The following PHLDB2 variants were observed in gnomAD, a reference collection of about 807,000 sequenced individuals.
The protein encoded by PHLDB2 is pleckstrin homology-like domain family B member 2.
In PHLDB2, 71 loss-of-function variants were observed where a neutral mutation model predicts 123.6. That is an observed-to-expected ratio of 0.57 (90% CI 0.47 to 0.70). The LOEUF (loss-of-function observed/expected upper bound fraction) is 0.70. Among genes scored for constraint, PHLDB2 ranks in the 30% least tolerant of loss-of-function variants. The pLI is 0.00. For missense variants in PHLDB2, 1,446 were observed against 1,519.5 expected, an observed-to-expected ratio of 0.95 and a Z score of 0.80; for synonymous variants, 547 against 541.6, an observed-to-expected ratio of 1.01 and a Z score of -0.14.
At chr3:111,823,765 C>T (rs930172628) in intron 1 of PHLDB2, among the ~76,000 whole-genome samples, 1 of 152,116 alleles carries the variant, frequency 6.6e-6, no homozygotes, top group African/African-American at 2.4e-5. Flanking sequence ...ATGCTGGGTT[C>T]ACATACCACT....
At chr3:111,738,461 A>C (rs1425500199) in intron 1 of PHLDB2, among the ~76,000 whole-genome samples, 1 of 152,130 alleles carries the variant, frequency 6.6e-6, no homozygotes, top group Non-Finnish European at 1.5e-5. Context: ...TGGGTTATCC[A>C]CTCAGTTCAG....
At chr3:111,911,764 C>G (rs2067898762) in intron 2 of PHLDB2, 2 of 1,490,770 alleles carry the variant, frequency 1.3e-6, no homozygotes, top group East Asian at 2.5e-5. Context: ...TCCTTTTGAT[C>G]AAGCTATTGC....
intron 1 of PHLDB2, among the ~76,000 whole-genome samples, chr3:111,756,600 C>A (rs1348426543): frequency 6.6e-6 from 1 of 152,128 alleles, no homozygotes; most frequent in Non-Finnish European, 1.5e-5. Flanking sequence ...GACTCTTTAT[C>A]CAATTTGCCA....
chr3:111,962,420 A>T, intron 13 of PHLDB2, 108 bp downstream of exon 13: 1 of 934,842 alleles, frequency 1.1e-6, no homozygotes, highest in Non-Finnish European at 1.6e-6. Flanking sequence ...CAAATTTTTG[A>T]GACATAAAGG....
chr3:111,952,678 G>A lies in PHLDB2; in HGVS notation c.2738G>A (p.Ser913Asn), dbSNP rs1210439820. 5 of 1,613,782 alleles carry A rather than the reference G, an allele frequency of 3.1e-6. No homozygotes were observed. In the Admixed American group the frequency reaches 6.7e-5, roughly 22 times the overall value. The stretch of plus-strand genomic sequence containing the variant: ...ACATCTTCCATCTCCCCACATTTCA[G>A]CAGTGCTACTATGGGGAGAAGCATC... Reference protein sequence around the residue: ...KTTSSISPHFSSATMGRSITP... With the variant: ...KTTSSISPHFNSATMGRSITP... Residue 913 changes from serine (S) to asparagine (N), a missense_variant, in exon 11 of 18, where the codon AGC becomes AAC. By Grantham distance (46) the Ser-to-Asn change is conservative. Transcript: ENST00000431670.
At chr3:111,869,863 G>A (rs1374409565) in intron 1 of PHLDB2, among the ~76,000 whole-genome samples, 2 of 152,184 alleles carry the variant, frequency 1.3e-5, no homozygotes, top group African/African-American at 4.8e-5. Context: ...TTTGATAATT[G>A]TAAACATCCT....
intron 2 of PHLDB2, among the ~76,000 whole-genome samples, chr3:111,893,956 T>A (rs1202276497): frequency 5.4e-5 from 8 of 149,020 alleles, no homozygotes; most frequent in Admixed American, 2.0e-4. Context: ...CATGTGCACA[T>A]TGTGCAGGTT....
intron 2 of PHLDB2, among the ~76,000 whole-genome samples, chr3:111,909,265 C>T (rs1414870644): frequency 6.6e-6 from 1 of 152,114 alleles, no homozygotes; most frequent in South Asian, 2.1e-4. Flanking sequence ...GTTATCACTG[C>T]TTTTATAAGT....
intron 1 of PHLDB2, among the ~76,000 whole-genome samples, chr3:111,873,133 G>A (rs542206116): frequency 6.6e-6 from 1 of 152,174 alleles, no homozygotes; most frequent in Non-Finnish European, 1.5e-5. Flanking sequence ...TCTAAGATGT[G>A]GTTTATTATT....
intron 1 of PHLDB2, among the ~76,000 whole-genome samples, chr3:111,765,269 GA>G (rs1190761869): frequency 2.6e-5 from 4 of 152,184 alleles, no homozygotes; most frequent in African/African-American, 7.2e-5. Context: ...AGGGTGGTGA[GA>G]AAAAAATGGA....
intron 1 of PHLDB2, among the ~76,000 whole-genome samples, chr3:111,783,255 G>A (rs1397422316): frequency 6.6e-6 from 1 of 152,102 alleles, no homozygotes; most frequent in Admixed American, 6.6e-5. Context: ...CGGGGCAATA[G>A]CAGAAGAGCC....
intron 1 of PHLDB2, among the ~76,000 whole-genome samples, chr3:111,757,072 G>T (rs2059904220): frequency 6.6e-6 from 1 of 152,110 alleles, no homozygotes; most frequent in Non-Finnish European, 1.5e-5. Flanking sequence ...CTCTCTGGCT[G>T]CCCTTAACAT....
intron 1 of PHLDB2, among the ~76,000 whole-genome samples, chr3:111,837,086 C>T (rs2063444498): frequency 6.6e-6 from 1 of 152,064 alleles, no homozygotes; most frequent in Non-Finnish European, 1.5e-5. Flanking sequence ...CCTCAGTATC[C>T]TGTTATAACA....
intron 1 of PHLDB2, among the ~76,000 whole-genome samples, chr3:111,767,974 A>T (rs530076933): frequency 6.6e-6 from 1 of 152,118 alleles, no homozygotes; most frequent in East Asian, 1.9e-4. Context: ...AGCTGGTAGG[A>T]TGTGATAAAG....
chr3:111,964,131 A>G (rs1204591718), intron 13 of PHLDB2, among the ~76,000 whole-genome samples: 2 of 152,154 alleles, frequency 1.3e-5, no homozygotes, highest in Non-Finnish European at 2.9e-5. Context: ...GTAGTTTCTG[A>G]CCATGGGGAT....
intron 2 of PHLDB2, among the ~76,000 whole-genome samples, chr3:111,896,234 T>C (rs1348854074): frequency 6.6e-6 from 1 of 152,202 alleles, no homozygotes; most frequent in East Asian, 1.9e-4. Context: ...ATTACAGGCG[T>C]GAGCCACCAT....
rs2107529310 is a variant in PHLDB2, at chr3:111,920,345, G to C, written c.1927G>C (p.Glu643Gln). The C allele has an allele frequency of 6.2e-7, 1 of 1,614,028 alleles. No individual in the cohort carries two copies. The highest frequency in any genetic ancestry group is 1.1e-5 in the South Asian group (1 of 91,058). Reference protein sequence around the residue: ...QKSETTELMKEKEILDHLNRK... With the variant: ...QKSETTELMKQKEILDHLNRK... The stretch of plus-strand genomic sequence containing the variant: ...ATCTGAAACAACTGAACTTATGAAG[G>C]AGAAGGAGATTTTGGATCATCTAAA... The change falls in exon 5 of 18, where the codon GAG (glutamate) becomes CAG (glutamine). Residue 643 changes from glutamate to glutamine, a missense_variant. By Grantham distance (29) the Glu-to-Gln change is conservative. Transcript: ENST00000431670.
intron 1 of PHLDB2, among the ~76,000 whole-genome samples, chr3:111,770,269 A>G (rs1229755030): frequency 6.6e-6 from 1 of 152,182 alleles, no homozygotes; most frequent in Non-Finnish European, 1.5e-5. Flanking sequence ...CTGGGGAAAC[A>G]TTTACTATCC....
At chr3:111,794,766 A>G (rs2061081327) in intron 1 of PHLDB2, among the ~76,000 whole-genome samples, 1 of 152,224 alleles carries the variant, frequency 6.6e-6, no homozygotes, top group Non-Finnish European at 1.5e-5. Flanking sequence ...TCCCTGATAC[A>G]TGAATGGTAA....
Sources: gnomAD v4.1 joint callset for allele counts (sites outside exome capture counted in the v4.1 genomes callset) on GRCh38, gnomAD v4.1.1 for gene constraint, MANE v1.5 for transcripts, NCBI Gene and HGNC (gene_info 2026-07-23, HGNC 2026-07-21) for gene names.